Variants in CCDC148 observed in about 807,000 individuals in gnomAD.
The protein encoded by CCDC148 is coiled-coil domain containing 148, also known as coiled-coil domain-containing protein 148.
CCDC148 carries 89 observed loss-of-function variants against 85.7 expected under a neutral mutation model. That is an observed-to-expected ratio of 1.04 (90% CI 0.87 to 1.24). The LOEUF is 1.24. Among genes scored for constraint, CCDC148 ranks in the 50% most tolerant of loss-of-function variants. CCDC148 has a pLI of 0.00. For missense variants in CCDC148, 692 were observed against 671.7 expected, an observed-to-expected ratio of 1.03 and a Z score of -0.33; for synonymous variants, 230 against 213.9, an observed-to-expected ratio of 1.08 and a Z score of -0.66.
In CCDC148 at chr2:158,205,759, T is replaced by A. The variant is rs957975249; in HGVS notation, c.1370+14836A>T. Among the ~76,000 whole-genome samples, 20 of 152,186 alleles carry A rather than the reference T, an allele frequency of 1.3e-4. 1 individual carries two copies. Among genetic ancestry groups the A allele is most frequent in the African/African-American group, 4.6e-4 (19 of 41,446 alleles). On this transcript the variant is annotated intron_variant, in intron 11 of 13. Coordinates refer to ENST00000283233, the MANE Select transcript of CCDC148 (RefSeq NM_138803.4). ...TGAGTGATCTGAACAGCTAACAGTA[T>A]GAACACAGGTCAGAACAAGAGAAAG... is the stretch of plus-strand genomic sequence containing the variant.
chr2:158,330,105 T>G (rs944525684), intron 7 of CCDC148, among the ~76,000 whole-genome samples: 1 of 152,194 alleles, frequency 6.6e-6, no homozygotes, highest in Non-Finnish European at 1.5e-5. Flanking sequence ...AGGGAATGCT[T>G]CCAGTTTTTG....
chr2:158,423,663 C>G (rs188008883), intron 1 of CCDC148, among the ~76,000 whole-genome samples: 3 of 152,248 alleles, frequency 2.0e-5, no homozygotes, highest in Non-Finnish European at 4.4e-5. Context: ...TGGGCAAAGA[C>G]TTCATGACTA....
intron 11 of CCDC148, among the ~76,000 whole-genome samples, chr2:158,194,182 A>G (rs1685556536): frequency 6.6e-6 from 1 of 152,116 alleles, no homozygotes; most frequent in Non-Finnish European, 1.5e-5. Context: ...TTTTTTTAAA[A>G]TTTAATAAAA....
At chr2:158,418,889 G>A (rs556056765) in intron 1 of CCDC148, among the ~76,000 whole-genome samples, 5 of 152,182 alleles carry the variant, frequency 3.3e-5, no homozygotes, top group South Asian at 2.1e-4. Flanking sequence ...GAATCATTAC[G>A]TGCGTGCTAA....
intron 1 of CCDC148, among the ~76,000 whole-genome samples, chr2:158,378,887 C>A (rs1328346039): frequency 6.6e-6 from 1 of 152,142 alleles, no homozygotes; most frequent in Admixed American, 6.6e-5. Context: ...ACCTCGTCAG[C>A]CACGAGCTCT....
intron 1 of CCDC148, among the ~76,000 whole-genome samples, chr2:158,422,059 T>C (rs1574791868): frequency 6.6e-6 from 1 of 152,148 alleles, no homozygotes; most frequent in South Asian, 2.1e-4. Flanking sequence ...AATCCTTGAA[T>C]AGACCAATAA....
chr2:158,257,258 T>G (rs1689049888), intron 9 of CCDC148, among the ~76,000 whole-genome samples: 1 of 151,780 alleles, frequency 6.6e-6, no homozygotes, highest in South Asian at 2.1e-4. Context: ...CTAATTTATA[T>G]TTCCATCAAG....
intron 9 of CCDC148, among the ~76,000 whole-genome samples, chr2:158,297,277 A>G (rs985306772): frequency 3.8e-4 from 58 of 152,208 alleles, no homozygotes; most frequent in African/African-American, 1.4e-3. Context: ...AACTTGCTGT[A>G]TCTCCTGAGC....
At chr2:158,232,224 C>T (rs1380149236) in intron 10 of CCDC148, among the ~76,000 whole-genome samples, 1 of 152,048 alleles carries the variant, frequency 6.6e-6, no homozygotes, top group East Asian at 1.9e-4. Context: ...TTTTCACAGT[C>T]CCACATTTTG....
intron 10 of CCDC148, among the ~76,000 whole-genome samples, chr2:158,243,602 C>T (rs1574474691): frequency 6.6e-6 from 1 of 152,104 alleles, no homozygotes; most frequent in East Asian, 1.9e-4. Flanking sequence ...TTGAAAAGAT[C>T]CATGAGAAGC....
intron 10 of CCDC148, among the ~76,000 whole-genome samples, chr2:158,242,116 T>C (rs1452903216): frequency 6.6e-6 from 1 of 152,162 alleles, no homozygotes; most frequent in East Asian, 1.9e-4. Context: ...CTGTCACTAG[T>C]GTTGGTATAG....
In CCDC148 at chr2:158,311,287, C is replaced by T. The variant is rs570344299; in HGVS notation, c.904-1648G>A. ...GAGCTGGAGACCAGCCCGGCCAACA[C>T]GGCGAAACCCCGTCTCCACCAAAAA... On this transcript the variant is annotated intron_variant, in intron 8 of 13. Coordinates refer to ENST00000283233, the MANE Select transcript of CCDC148 (RefSeq NM_138803.4). Among the ~76,000 whole-genome samples the T allele has an allele frequency of 3.6e-3, 541 of 152,310 alleles. 2 individuals carry two copies. Among genetic ancestry groups the T allele is most frequent in the African/African-American group, 0.012 (516 of 41,578 alleles).
chr2:158,213,210 C>A (rs1484230471), intron 11 of CCDC148, among the ~76,000 whole-genome samples: 1 of 152,132 alleles, frequency 6.6e-6, no homozygotes, highest in African/African-American at 2.4e-5. Flanking sequence ...CTGTAGCATC[C>A]ATTTGTTGGT....
At chr2:158,272,719 C>G (rs1689754677) in intron 9 of CCDC148, among the ~76,000 whole-genome samples, 1 of 152,146 alleles carries the variant, frequency 6.6e-6, no homozygotes, top group African/African-American at 2.4e-5. Context: ...AGTATCCACT[C>G]AACGTTCAAG....
chr2:158,297,306 G>A (rs1248539828), intron 9 of CCDC148, among the ~76,000 whole-genome samples: 2 of 152,080 alleles, frequency 1.3e-5, no homozygotes, highest in African/African-American at 4.8e-5. Context: ...CCTAAATGAC[G>A]TCAGAGTACA....
At chr2:158,317,078 TA>T (rs1206881158) in intron 7 of CCDC148, among the ~76,000 whole-genome samples, 1 of 152,224 alleles carries the variant, frequency 6.6e-6, no homozygotes, top group Non-Finnish European at 1.5e-5. Flanking sequence ...CAGAACTAGC[TA>T]AATTGCACAG....
At chr2:158,450,689 C>G (rs539712024) in intron 1 of CCDC148, among the ~76,000 whole-genome samples, 8 of 151,436 alleles carry the variant, frequency 5.3e-5, no homozygotes, top group Non-Finnish European at 8.8e-5. Flanking sequence ...CTGTGATTCC[C>G]TTGTGTAAAA....
intron 10 of CCDC148, 115 bp from the exon 11 acceptor site, chr2:158,220,828 C>T: frequency 1.3e-6 from 1 of 750,356 alleles, no homozygotes; most frequent in Non-Finnish European, 2.1e-6. Context: ...AAGGGCACTT[C>T]ATCTTTTTTG....
At chr2:158,437,166 C>A (rs1417940162) in intron 1 of CCDC148, among the ~76,000 whole-genome samples, 2 of 152,114 alleles carry the variant, frequency 1.3e-5, no homozygotes, top group Non-Finnish European at 2.9e-5. Flanking sequence ...CTGGCAGAGA[C>A]ACAACCAAAA....
Sources: allele counts gnomAD v4.1 joint callset (sites outside exome capture counted in the v4.1 genomes callset), GRCh38; gene constraint gnomAD v4.1.1; transcripts MANE v1.5; gene names NCBI Gene and HGNC (gene_info 2026-07-23, HGNC 2026-07-21).